The following ACOX3 variants were observed in gnomAD, a reference collection of about 807,000 sequenced individuals.
ACOX3 encodes the protein acyl-CoA oxidase 3, pristanoyl.
Under a neutral mutation model 81.5 loss-of-function variants are expected in ACOX3, and 73 were observed. The observed-to-expected ratio is 0.90, with a 90% CI of 0.74 to 1.09. The LOEUF is 1.09. Ranked by LOEUF, ACOX3 falls within the 50% of genes least tolerant of loss-of-function variation. ACOX3 has a pLI of 0.00. For synonymous variants in ACOX3, 387 were observed against 375.1 expected, an observed-to-expected ratio of 1.03 and a Z score of -0.37; for missense variants, 947 against 928.0, an observed-to-expected ratio of 1.02 and a Z score of -0.27.
At position 8,399,615 on chromosome 4, in the gene ACOX3, T is replaced by C. The variant is rs374575831; in HGVS notation, c.814A>G (p.Ser272Gly). The C allele has an allele frequency of 1.2e-6, 2 of 1,613,986 alleles. No homozygotes were observed. Among genetic ancestry groups the C allele is most frequent in the Non-Finnish European group, 1.7e-6 (2 of 1,180,024 alleles). The change falls in exon 8 of 18, where the codon AGC (serine) becomes GGC (glycine). Residue 272 changes from serine (S) to glycine (G), a missense_variant. Transcript: ENST00000356406. The surrounding 1 kb of genome is among the most constrained non-coding windows in gnomAD (Gnocchi z 4.9). Reference sequence around the variant, plus strand: ...ACGTCTCCCATCCGGTTCAGAAGGCTCTGGCGAGGAACTCTGACCTTGTGG... The same window carrying C: ...ACGTCTCCCATCCGGTTCAGAAGGCCCTGGCGAGGAACTCTGACCTTGTGG... ...MFHKVRVPRQ[S>G]LLNRMGDVTP... is the part of the protein sequence containing the mutation.
In ACOX3 at chr4:8,377,455, C is replaced by T. The variant is rs546900717; in HGVS notation, c.1654-2303G>A. Among the ~76,000 whole-genome samples, 4 of 133,742 alleles carry T rather than the reference C, an allele frequency of 3.0e-5. No homozygotes were observed. In the East Asian group the frequency reaches 6.0e-4, roughly 20 times the overall value. 87.7% of individuals were successfully genotyped at this position (133,742 alleles called of 152,430 possible). ...GCCAGTGAGTTTTGAAACACAGCGT[C>T]ACTCGGCTCTGCAGCTCTGCGCGTG... is the stretch of plus-strand genomic sequence containing the variant. On this transcript the variant is annotated intron_variant, in intron 14 of 17. Coordinates refer to ENST00000356406, the MANE Select transcript of ACOX3 (RefSeq NM_003501.3).
In ACOX3 at chr4:8,416,011, G is replaced by C; in HGVS notation, c.145-12C>G. The stretch of plus-strand genomic sequence containing the variant: ...GAGAAGATGGTTTTCTGGAAATGCA[G>C]GAGATGGGTAAGGCTTATTTGGAGT... On this transcript the variant is annotated splice_polypyrimidine_tract_variant and intron_variant, in intron 2 of 17. Coordinates refer to ENST00000356406, the MANE Select transcript of ACOX3 (RefSeq NM_003501.3). This position sits in a 1 kb window ranked among gnomAD's most constrained non-coding sequence, Gnocchi z 4.2. 1 of 1,611,426 alleles carries C rather than the reference G, an allele frequency of 6.2e-7. No individual in the cohort carries two copies. The highest frequency in any genetic ancestry group is 1.1e-5 in the South Asian group (1 of 90,912).
chr4:8,390,034 C>T (rs1301675850), intron 11 of ACOX3, among the ~76,000 whole-genome samples: 2 of 145,256 alleles, frequency 1.4e-5, no homozygotes, highest in South Asian at 2.2e-4. Flanking sequence ...GCCTGGGAGG[C>T]GGAGGTTGCA....
Position 8,381,559 on chromosome 4 carries a change from G to A in ACOX3, c.1586C>T (p.Thr529Ile), listed in dbSNP as rs145548429. ...TTTCTCTTGGTTTAATTTTTGATAAGTCTCTCGGAGCAGGTAGCAAACCAG... is the reference window on the plus strand; with the variant it reads ...TTTCTCTTGGTTTAATTTTTGATAAATCTCTCGGAGCAGGTAGCAAACCAG... ...KWLVCYLLRE[T>I]YQKLNQEKRS... Residue 529 changes from threonine (T) to isoleucine (I), a missense_variant, in exon 14 of 18, where the codon ACT (threonine) becomes ATT (isoleucine). By Grantham distance (89) the Thr-to-Ile change is moderately conservative. Transcript: ENST00000356406. This position sits in a 1 kb window ranked among gnomAD's most constrained non-coding sequence, Gnocchi z 4.3. 4.3e-6 allele frequency: 7 copies of A among 1,613,886 alleles called. No homozygotes were observed. Among genetic ancestry groups the A allele is most frequent in the Non-Finnish European group, 5.9e-6 (7 of 1,179,996 alleles).
intron 15 of ACOX3, 93 bp downstream of exon 15, chr4:8,374,885 A>G: frequency 1.5e-6 from 2 of 1,356,950 alleles, no homozygotes; most frequent in Non-Finnish European, 2.0e-6. Context: ...AGTCCCGTGG[A>G]AGGAGGACGA....
chr4:8,419,967 C>T lies in ACOX3; in HGVS notation c.-14-3432G>A. ...CCTTACGGAATCTTCTCATTTCTCT[C>T]CAGCCTGATAAAACCCTCATAACAA... On this transcript the variant is annotated intron_variant, in intron 1 of 17. Transcript: ENST00000356406. The surrounding 1 kb of genome is among the most constrained non-coding windows in gnomAD (Gnocchi z 4.2). Among the ~76,000 whole-genome samples, 1 of 152,326 alleles carries T rather than the reference C, an allele frequency of 6.6e-6. No homozygotes were observed. The highest frequency in any genetic ancestry group is 2.1e-4 in the South Asian group (1 of 4,830).
chr4:8,399,410 AC>A lies in ACOX3; in HGVS notation c.873+145del. The A allele has an allele frequency of 1.5e-6, 1 of 672,542 alleles. No homozygotes were observed. The highest frequency in any genetic ancestry group is 2.5e-6 in the Non-Finnish European group (1 of 397,390). 41.7% of individuals were successfully genotyped at this position (672,542 alleles called of 1,614,324 possible). A position where few individuals can be genotyped will look rare whatever the true frequency, so the allele number is the denominator to read the frequency against. On this transcript the variant is annotated intron_variant, in intron 8 of 17. Transcript: ENST00000356406. This position sits in a 1 kb window ranked among gnomAD's most constrained non-coding sequence, Gnocchi z 4.9. ...GTCCCCTTCTAGCGGGAGCACCAGA[AC>A]CCGAGCCAGGAGAAGTATGCCCCAG... is the stretch of plus-strand genomic sequence containing the variant.
intron 1 of ACOX3, among the ~76,000 whole-genome samples, chr4:8,427,603 T>A (rs1256984097): frequency 6.6e-6 from 1 of 152,146 alleles, no homozygotes; most frequent in East Asian, 1.9e-4. Flanking sequence ...GTTCCACAGT[T>A]CTCTTCCGTG....
Position 8,405,955 on chromosome 4 carries a change from C to A in ACOX3, c.776G>T (p.Gly259Val), listed in dbSNP as rs762852557. The A allele has an allele frequency of 6.2e-7, 1 of 1,614,024 alleles. No homozygotes were observed. The highest frequency in any genetic ancestry group is 8.5e-7 in the Non-Finnish European group (1 of 1,179,890). ...KKLGQNGLDN[G>V]FAMFHKVRVP... is the part of the protein sequence containing the mutation. ...GGGCTCAGCAGCCTCTGTCACTCAC[C>A]CATTATCCAGACCGTTCTGCCCGAG... Residue 259 changes from glycine (G) to valine (V), a missense_variant and splice_region_variant, in exon 7 of 18, where the codon GGT becomes GTT. Gly to Val is a moderately radical substitution (Grantham distance 109). Coordinates refer to ENST00000356406, the MANE Select transcript of ACOX3 (RefSeq NM_003501.3). This position sits in a 1 kb window ranked among gnomAD's most constrained non-coding sequence, Gnocchi z 7.1.
chr4:8,371,095 C>CG (rs1398063698), intron 16 of ACOX3, 101 bp from the exon 17 acceptor site: 2 of 1,067,696 alleles, frequency 1.9e-6, no homozygotes, highest in Admixed American at 1.9e-5. Flanking sequence ...CCACTAGCAA[C>CG]GGGTCACCTG....
At position 8,406,912 on chromosome 4, in the gene ACOX3, T is replaced by C. The variant is rs551754421; in HGVS notation, c.688-869A>G. 4.5e-4 allele frequency among the ~76,000 whole-genome samples: 68 copies of C among 152,260 alleles called. No homozygotes were observed. The highest frequency in any genetic ancestry group is 1.5e-3 in the African/African-American group (62 of 41,548). ...GATAACTGCGGGCAAGCCTGACAAA[T>C]GTCAGGCCCTCTACAAGAGGTGGAG... is the stretch of plus-strand genomic sequence containing the variant. On this transcript the variant is annotated intron_variant, in intron 6 of 17. Transcript: ENST00000356406. This position sits in a 1 kb window ranked among gnomAD's most constrained non-coding sequence, Gnocchi z 5.6.
At chr4:8,383,246 C>T (rs1191249608) in intron 13 of ACOX3, among the ~76,000 whole-genome samples, 1 of 152,208 alleles carries the variant, frequency 6.6e-6, no homozygotes, top group Non-Finnish European at 1.5e-5. Context: ...GCGGAGGCTT[C>T]CTCCATGCAG....
At chr4:8,391,243 G>A (rs1446285500) in intron 11 of ACOX3, among the ~76,000 whole-genome samples, 1 of 152,180 alleles carries the variant, frequency 6.6e-6, no homozygotes, top group African/African-American at 2.4e-5. Context: ...ATGGCTACCC[G>A]CATGTCAGTA....
chr4:8,411,067 G>A (rs1721668514), intron 5 of ACOX3, among the ~76,000 whole-genome samples: 1 of 152,246 alleles, frequency 6.6e-6, no homozygotes, highest in African/African-American at 2.4e-5. Flanking sequence ...TGCCCCAGGG[G>A]CGTCTGCTGG....
chr4:8,434,318 A>C (rs982303314), intron 1 of ACOX3, among the ~76,000 whole-genome samples: 25 of 152,188 alleles, frequency 1.6e-4, no homozygotes, highest in African/African-American at 5.8e-4. Flanking sequence ...CTTCCGGCCG[A>C]ATAAACCTCT....
Position 8,389,669 on chromosome 4 carries a change from T to A in ACOX3, c.1366A>T (p.Ile456Phe), listed in dbSNP as rs745464321. The A allele has an allele frequency of 1.9e-6, 3 of 1,614,084 alleles. No individual in the cohort carries two copies. The Admixed American group carries it at 5.0e-5, about 27-fold the overall frequency. Residue 456 changes from isoleucine (I) to phenylalanine (F), a missense_variant, in exon 12 of 18, where the codon ATC becomes TTC. Transcript: ENST00000356406. This position sits in a 1 kb window ranked among gnomAD's most constrained non-coding sequence, Gnocchi z 5.3. Reference protein sequence around the residue: ...PNCTYEGDNNILLQQTSNYLL... With the variant: ...PNCTYEGDNNFLLQQTSNYLL... Reference sequence around the variant, plus strand: ...TAGTTGCTTGTCTGCTGCAGCAGGATGTTGTTGTCACCTTCGTATGTGCAG... The same window carrying A: ...TAGTTGCTTGTCTGCTGCAGCAGGAAGTTGTTGTCACCTTCGTATGTGCAG...
At position 8,414,949 on chromosome 4, in the gene ACOX3, T is replaced by A; in HGVS notation, c.379-21A>T. 1 of 1,612,272 alleles carries A rather than the reference T, an allele frequency of 6.2e-7. No homozygotes were observed. The highest frequency in any genetic ancestry group is 8.5e-7 in the Non-Finnish European group (1 of 1,178,272). On this transcript the variant is annotated intron_variant, in intron 3 of 17. Coordinates refer to ENST00000356406, the MANE Select transcript of ACOX3 (RefSeq NM_003501.3). This position sits in a 1 kb window ranked among gnomAD's most constrained non-coding sequence, Gnocchi z 6.1. ...AAAACCTGAAAGTATAACATCGTCC[T>A]ATCAACAGGGGGCAGGTAAGAAGAG...
At chr4:8,397,242 G>T (rs2108890968) in intron 8 of ACOX3, 123 bp from the exon 9 acceptor site, 1 of 983,030 alleles carries the variant, frequency 1.0e-6, no homozygotes, top group Non-Finnish European at 1.4e-6. Flanking sequence ...ACCTGCCCAG[G>T]CCCCATCCCC....
downstream of ACOX3, among the ~76,000 whole-genome samples, chr4:8,365,485 C>T (rs528936676): frequency 6.6e-6 from 1 of 152,358 alleles, no homozygotes; most frequent in East Asian, 1.9e-4. Context: ...TGCTGGGGCA[C>T]TCAGGCACCA....
Sources: gnomAD v4.1 joint callset for allele counts (sites outside exome capture counted in the v4.1 genomes callset) on GRCh38, gnomAD v4.1.1 for gene constraint, Gnocchi (gnomAD v3.1) non-coding constraint, MANE v1.5 for transcripts, NCBI Gene and HGNC (gene_info 2026-07-23, HGNC 2026-07-21) for gene names.